The following MAP4K4 variants were observed in gnomAD, a reference collection of about 807,000 sequenced individuals.
MAP4K4 encodes HPK/GCK-like kinase HGK.
Under a neutral mutation model 189.6 loss-of-function variants are expected in MAP4K4, and 38 were observed. The observed-to-expected ratio is 0.20, with a 90% CI of 0.15 to 0.26. The LOEUF (loss-of-function observed/expected upper bound fraction) is 0.26, where lower values mean the gene tolerates loss of function less well. Ranked by LOEUF, MAP4K4 falls within the 10% of genes least tolerant of loss-of-function variation. The pLI is 1.00. For synonymous variants in MAP4K4, 610 were observed against 624.3 expected (o/e 0.98, Z 0.34); for missense variants, 1,054 against 1,726.9 (o/e 0.61, Z 6.91).
intron 2 of MAP4K4, among the ~76,000 whole-genome samples, chr2:101,702,998 G>C (rs1384397806): frequency 6.6e-6 from 1 of 152,154 alleles, no homozygotes; most frequent in Non-Finnish European, 1.5e-5. Flanking sequence ...AAAGGTTAGG[G>C]AGTAGTGGGA....
chr2:101,762,384 T>TC (rs1442250132), intron 2 of MAP4K4, among the ~76,000 whole-genome samples: 1 of 152,178 alleles, frequency 6.6e-6, no homozygotes, highest in Non-Finnish European at 1.5e-5. Context: ...TGCATCCTTG[T>TC]CCCCCTGGGC....
At chr2:101,698,448 A>T in intron 1 of MAP4K4, 25 bp from the exon 2 acceptor site, 1 of 1,602,392 alleles carries the variant, frequency 6.2e-7, no homozygotes, top group Non-Finnish European at 8.6e-7. Context: ...TTTAAATGAT[A>T]ACCCCTCCCC....
intron 2 of MAP4K4, among the ~76,000 whole-genome samples, chr2:101,757,828 T>C (rs2073701838): frequency 6.6e-6 from 1 of 152,218 alleles, no homozygotes; most frequent in Admixed American, 6.5e-5. Flanking sequence ...AAGACCAACC[T>C]GACCAACATG....
intron 4 of MAP4K4, among the ~76,000 whole-genome samples, chr2:101,824,774 T>C (rs1005454723): frequency 6.6e-5 from 10 of 152,258 alleles, no homozygotes; most frequent in Admixed American, 3.3e-4. Context: ...CAATTCAGTT[T>C]ATTTTCTGGG....
chr2:101,851,937 G>C (rs915805063), intron 12 of MAP4K4, among the ~76,000 whole-genome samples: 4 of 151,604 alleles, frequency 2.6e-5, no homozygotes, highest in African/African-American at 9.7e-5. Context: ...TATATCTGTG[G>C]TGCTTAATAA....
intron 14 of MAP4K4, 89 bp from the exon 15 acceptor site, chr2:101,859,554 G>A: frequency 1.0e-6 from 1 of 997,928 alleles, no homozygotes; most frequent in Non-Finnish European, 1.5e-6. Context: ...AAAATATATG[G>A]TCACTTTTTT....
chr2:101,758,840 A>G (rs1027269556), intron 2 of MAP4K4, among the ~76,000 whole-genome samples: 3 of 152,178 alleles, frequency 2.0e-5, no homozygotes, highest in African/African-American at 7.2e-5. Flanking sequence ...GCCACTATAA[A>G]GAAGGGTTGC....
intron 24 of MAP4K4, among the ~76,000 whole-genome samples, chr2:101,873,042 C>A (rs1013952930): frequency 2.6e-5 from 4 of 152,072 alleles, no homozygotes; most frequent in African/African-American, 9.7e-5. Context: ...ACATTATTAA[C>A]CAAAACACTA....
intron 12 of MAP4K4, among the ~76,000 whole-genome samples, chr2:101,852,396 C>T (rs969870524): frequency 3.9e-5 from 6 of 151,914 alleles, no homozygotes; most frequent in African/African-American, 1.5e-4. Context: ...TATTGAATTT[C>T]TCTTCTGAAG....
intron 12 of MAP4K4, among the ~76,000 whole-genome samples, chr2:101,848,367 GCTGA>G (rs1328329537): frequency 7.2e-5 from 11 of 152,306 alleles, no homozygotes; most frequent in South Asian, 6.2e-4. Flanking sequence ...GGGTACAGAG[GCTGA>G]CTATTTGAGC....
intron 2 of MAP4K4, among the ~76,000 whole-genome samples, chr2:101,746,868 C>T (rs1558700806): frequency 6.6e-6 from 1 of 151,980 alleles, no homozygotes; most frequent in Non-Finnish European, 1.5e-5. Context: ...GATTTCTAGC[C>T]CAGTGTATAT....
rs77966326 is a variant in MAP4K4, at chr2:101,763,296, G to A, written c.124-27424G>A. ...AGGCGCTGTTCTCAGGGTTGCTGTA[G>A]AGCTAGACAGGAGTTAGTTCATGAC... On this transcript the variant is annotated intron_variant, in intron 2 of 32. Transcript: ENST00000324219. 4.4e-3 allele frequency among the ~76,000 whole-genome samples: 669 copies of A among 152,320 alleles called. 5 individuals carry two copies. The highest frequency in any genetic ancestry group is 0.015 in the African/African-American group (644 of 41,570).
rs1340451835 is a variant in MAP4K4 at position 101,888,790 on chromosome 2, C to T, written c.3932-6C>T. 1.9e-6 allele frequency: 3 copies of T among 1,587,760 alleles called. No homozygotes were observed. In the South Asian group the frequency reaches 3.5e-5, roughly 19 times the overall value. On this transcript the variant is annotated splice_region_variant and splice_polypyrimidine_tract_variant and intron_variant, in intron 31 of 32. Transcript: ENST00000324219. ...TAACGGTTTGCAATTTTTCCCTCCC[C>T]AAAAGCATATATTCGATCCAATCAG...
At chr2:101,815,940 T>C (rs746679047) in intron 3 of MAP4K4, among the ~76,000 whole-genome samples, 1 of 152,176 alleles carries the variant, frequency 6.6e-6, no homozygotes, top group Non-Finnish European at 1.5e-5. Context: ...CTACTGAGTC[T>C]TCTAGGGGGA....
intron 12 of MAP4K4, among the ~76,000 whole-genome samples, chr2:101,844,998 C>G (rs771279994): frequency 2.0e-5 from 3 of 151,874 alleles, no homozygotes; most frequent in Non-Finnish European, 2.9e-5. Context: ...TGCCGCGTGG[C>G]AAGGGAGGCA....
chr2:101,703,267 G>A (rs1012525528), intron 2 of MAP4K4, among the ~76,000 whole-genome samples: 2 of 151,940 alleles, frequency 1.3e-5, no homozygotes, highest in African/African-American at 4.8e-5. Flanking sequence ...TCTTTGCTAG[G>A]TTTAACATGT....
chr2:101,829,333 T>G (rs1172011817), intron 5 of MAP4K4, among the ~76,000 whole-genome samples, 171 bp from the exon 6 acceptor site: 1 of 152,134 alleles, frequency 6.6e-6, no homozygotes, highest in East Asian at 1.9e-4. Flanking sequence ...TCTTTCTGTG[T>G]GTGTGGTAGT....
chr2:101,817,187 T>C (rs1027363534), intron 3 of MAP4K4, among the ~76,000 whole-genome samples: 1 of 152,196 alleles, frequency 6.6e-6, no homozygotes, highest in Non-Finnish European at 1.5e-5. Context: ...ATTTTGTCTA[T>C]AGATTGGGGC....
intron 26 of MAP4K4, among the ~76,000 whole-genome samples, chr2:101,875,904 AT>A (rs2098188943): frequency 1.3e-5 from 2 of 152,356 alleles, no homozygotes; most frequent in Admixed American, 6.5e-5. Flanking sequence ...GAAGATAGTC[AT>A]GACGTGAGTA....
Sources: allele counts gnomAD v4.1 joint callset (sites outside exome capture counted in the v4.1 genomes callset), GRCh38; gene constraint gnomAD v4.1.1; transcripts MANE v1.5; gene names NCBI Gene and HGNC (gene_info 2026-07-23, HGNC 2026-07-21).